MAN2A1: variants seen among roughly 807,000 people sequenced by gnomAD.
MAN2A1 encodes the protein mannosidase alpha class 2A member 1.
In MAN2A1, 76 loss-of-function variants were observed where a neutral mutation model predicts 142.6. The observed-to-expected ratio is 0.53, with a 90% CI of 0.44 to 0.65. The LOEUF (loss-of-function observed/expected upper bound fraction) is 0.65. MAN2A1 is among the 30% of genes least tolerant of loss of function. The probability of loss-of-function intolerance (pLI) is 0.00; values close to 1 mark genes in which losing one functional copy is unlikely to be tolerated. For missense variants in MAN2A1, 1,311 were observed against 1,365.1 expected, an observed-to-expected ratio of 0.96 and a Z score of 0.62; for synonymous variants, 559 against 473.2, an observed-to-expected ratio of 1.18 and a Z score of -2.35.
In MAN2A1 at chr5:109,698,449, C is replaced by G. The variant is rs180790737; in HGVS notation, c.135+7897C>G. The stretch of plus-strand genomic sequence containing the variant: ...GTGTCCTCACAGATTTTAGTATCAT[C>G]TTTAAATTGCAGTATACTGAGTCCG... On this transcript the variant is annotated intron_variant, in intron 1 of 21. Transcript: ENST00000261483. 1.1e-3 allele frequency among the ~76,000 whole-genome samples: 166 copies of G among 152,360 alleles called. 1 individual carries two copies. Among genetic ancestry groups the G allele is most frequent in the African/African-American group, 3.7e-3 (155 of 41,592 alleles).
At chr5:109,856,754 C>G (rs535154919) in intron 20 of MAN2A1, among the ~76,000 whole-genome samples, 1 of 152,178 alleles carries the variant, frequency 6.6e-6, no homozygotes, top group East Asian at 1.9e-4. Context: ...ATAATAATGA[C>G]TACAAGCAAA....
At chr5:109,749,286 G>T (rs1561492165) in intron 4 of MAN2A1, among the ~76,000 whole-genome samples, 1 of 152,268 alleles carries the variant, frequency 6.6e-6, no homozygotes, top group East Asian at 1.9e-4. Context: ...GGGAAAAAGT[G>T]ACACTCAGAG....
Position 109,788,995 on chromosome 5 carries a change from T to C in MAN2A1, c.1822T>C (p.Leu608=). 6.2e-7 allele frequency: 1 copy of C among 1,607,298 alleles called. No homozygotes were observed. Among genetic ancestry groups the C allele is most frequent in the Non-Finnish European group, 8.5e-7 (1 of 1,175,108 alleles). The change falls in exon 11 of 22, where the codon TTG becomes CTG. Residue 608 remains leucine, a synonymous_variant. Coordinates refer to ENST00000261483, the MANE Select transcript of MAN2A1 (RefSeq NM_002372.4). The part of the protein sequence containing the change: ...IIGNSAFLLI[L]KDKLTYDSYS... Reference sequence around the variant, plus strand: ...TGGAAATTCTGCATTTCTTCTTATTTTGAAGGACAAACTCACATACGACTC... The same window carrying C: ...TGGAAATTCTGCATTTCTTCTTATTCTGAAGGACAAACTCACATACGACTC...
chr5:109,702,316 TGTGTG>T (rs1751009156), intron 1 of MAN2A1, among the ~76,000 whole-genome samples: 1 of 9,768 alleles, frequency 1.0e-4, no homozygotes, highest in Admixed American at 1.3e-3. Context: ...GAACATAAAT[TGTGTG>T]TGTGTGTGTG....
intron 16 of MAN2A1, among the ~76,000 whole-genome samples, chr5:109,832,396 C>CA (rs1338921376): frequency 6.6e-6 from 1 of 151,888 alleles, no homozygotes; most frequent in Non-Finnish European, 1.5e-5. Flanking sequence ...ATGCTGCCTT[C>CA]AAGCATCTGT....
At chr5:109,797,125 G>A (rs1334159253) in intron 12 of MAN2A1, among the ~76,000 whole-genome samples, 1 of 152,174 alleles carries the variant, frequency 6.6e-6, no homozygotes, top group Middle Eastern at 3.2e-3. Flanking sequence ...TTGAGGATAA[G>A]TGATTGAAAG....
At chr5:109,773,274 A>G (rs1753196120) in intron 7 of MAN2A1, among the ~76,000 whole-genome samples, 1 of 152,106 alleles carries the variant, frequency 6.6e-6, no homozygotes, top group Non-Finnish European at 1.5e-5. Context: ...GTTAGGATAG[A>G]TGTGAAGTGT....
At chr5:109,850,740 A>G (rs994757805) in intron 19 of MAN2A1, among the ~76,000 whole-genome samples, 1 of 152,202 alleles carries the variant, frequency 6.6e-6, no homozygotes, top group African/African-American at 2.4e-5. Context: ...TTGACTTAGA[A>G]GTGAAATAAT....
rs73218714 is a variant in MAN2A1 at position 109,845,390 on chromosome 5, A to G, written c.2701-475A>G. On this transcript the variant is annotated intron_variant, in intron 17 of 21. Coordinates refer to ENST00000261483, the MANE Select transcript of MAN2A1 (RefSeq NM_002372.4). ...ATAAATATGCATTTGATTTTAACAT[A>G]ATATCTTAGAAGATTTGGTGCAGAG... is the stretch of plus-strand genomic sequence containing the variant. Among the ~76,000 whole-genome samples, 640 of 152,276 alleles carry G rather than the reference A, an allele frequency of 4.2e-3. 3 individuals are homozygous for G. The highest frequency in any genetic ancestry group is 0.013 in the African/African-American group (538 of 41,562).
Position 109,755,397 on chromosome 5 carries a change from A to G in MAN2A1, c.776A>G (p.His259Arg), listed in dbSNP as rs1164348417. ...GTTATGCCTGATGAAGCTACTCCAC[A>G]TTATTTTGCCTTAATTGATCAACTA... is the stretch of plus-strand genomic sequence containing the variant. ...GWVMPDEATPHYFALIDQLIE... is the reference protein window; with the variant it reads ...GWVMPDEATPRYFALIDQLIE... Residue 259 changes from histidine (H) to arginine (R), a missense_variant, in exon 5 of 22, where the codon CAT becomes CGT. Coordinates refer to ENST00000261483, the MANE Select transcript of MAN2A1 (RefSeq NM_002372.4). The G allele has an allele frequency of 6.2e-7, 1 of 1,611,390 alleles. No homozygotes were observed. The highest frequency in any genetic ancestry group is 8.5e-7 in the Non-Finnish European group (1 of 1,177,674).
intron 4 of MAN2A1, among the ~76,000 whole-genome samples, chr5:109,753,638 A>G (rs1318469796): frequency 6.6e-6 from 1 of 152,176 alleles, no homozygotes; most frequent in Non-Finnish European, 1.5e-5. Context: ...ATGATCATGC[A>G]TATGTTTGAA....
rs946826172 is a variant in MAN2A1 at position 109,743,225 on chromosome 5, C to T, written c.708-12104C>T. 2.6e-5 allele frequency among the ~76,000 whole-genome samples: 4 copies of T among 152,152 alleles called. No individual in the cohort carries two copies. In the East Asian group the frequency reaches 7.7e-4, roughly 29 times the overall value. On this transcript the variant is annotated intron_variant, in intron 4 of 21. Coordinates refer to ENST00000261483, the MANE Select transcript of MAN2A1 (RefSeq NM_002372.4). ...CTTACTTCCCCAATGTTCCTGTTCT[C>T]GCCTGTTGGGGAACACTGCTTAGTT...
At chr5:109,833,420 C>T (rs969287158) in intron 16 of MAN2A1, among the ~76,000 whole-genome samples, 1 of 152,140 alleles carries the variant, frequency 6.6e-6, no homozygotes. Flanking sequence ...GCAATCCCGG[C>T]ACCTCAGGAG....
chr5:109,728,932 A>G (rs747245211), intron 3 of MAN2A1, among the ~76,000 whole-genome samples: 2 of 152,182 alleles, frequency 1.3e-5, no homozygotes, highest in Non-Finnish European at 2.9e-5. Context: ...GTGGCATGAG[A>G]GGATAAAATT....
chr5:109,718,098 G>A (rs1365213064), intron 3 of MAN2A1, among the ~76,000 whole-genome samples: 2 of 152,134 alleles, frequency 1.3e-5, no homozygotes, highest in East Asian at 3.9e-4. Context: ...TAATATCTAA[G>A]TTGTTCTCCC....
At chr5:109,842,937 C>T (rs1295220161) in intron 17 of MAN2A1, among the ~76,000 whole-genome samples, 1 of 151,670 alleles carries the variant, frequency 6.6e-6, no homozygotes, top group Non-Finnish European at 1.5e-5. Context: ...TCCCAAGTAG[C>T]TGGCACTACA....
chr5:109,819,772 A>G lies in MAN2A1; in HGVS notation c.2213A>G (p.Asn738Ser), dbSNP rs753168577. The change falls in exon 14 of 22, where the codon AAT becomes AGT. Residue 738 changes from asparagine (N) to serine (S), a missense_variant. Around this residue, in one of 3 missense-constraint regions of MAN2A1, gnomAD observed 890 missense variants for 920.5 expected, o/e 0.97. Transcript: ENST00000261483. ...SHLADYVLYK[N>S]KVEDSGIFTI... ...TTAGCTGATTATGTCTTGTATAAGA[A>G]TAAAGTAGAAGATAGCGGAATTTTC... The G allele has an allele frequency of 1.9e-6, 3 of 1,610,840 alleles. No individual in the cohort carries two copies. Among genetic ancestry groups the G allele is most frequent in the Non-Finnish European group, 2.5e-6 (3 of 1,177,574 alleles).
intron 15 of MAN2A1, among the ~76,000 whole-genome samples, chr5:109,822,535 A>G (rs1412179213): frequency 1.3e-5 from 2 of 152,116 alleles, no homozygotes; most frequent in African/African-American, 4.8e-5. Flanking sequence ...TCATCATCCC[A>G]GGTTCTCATC....
At chr5:109,807,249 G>A (rs1004927066) in intron 12 of MAN2A1, among the ~76,000 whole-genome samples, 1 of 152,030 alleles carries the variant, frequency 6.6e-6, no homozygotes, top group African/African-American at 2.4e-5. Context: ...CTGTTTTCCA[G>A]GACTCAGGAT....
Sources: allele counts gnomAD v4.1 joint callset (sites outside exome capture counted in the v4.1 genomes callset), GRCh38; gene constraint gnomAD v4.1.1; regional missense constraint gnomAD v4.1.1; transcripts MANE v1.5; gene names NCBI Gene and HGNC (gene_info 2026-07-23, HGNC 2026-07-21).